The following SPART variants were observed in gnomAD, a reference collection of about 807,000 sequenced individuals.
The protein encoded by SPART is spastic paraplegia 20 (Troyer syndrome).
SPART carries 35 observed loss-of-function variants against 58.7 expected under a neutral mutation model. That is an observed-to-expected ratio of 0.60 (90% confidence interval 0.46 to 0.79). SPART has a LOEUF of 0.79. Ranked by LOEUF, SPART falls within the 30% of genes least tolerant of loss-of-function variation. The pLI is 0.00. For synonymous variants in SPART, 284 were observed against 280.7 expected, an observed-to-expected ratio of 1.01 and a Z score of -0.12; for missense variants, 730 against 786.1, an observed-to-expected ratio of 0.93 and a Z score of 0.85.
intron 1 of SPART, among the ~76,000 whole-genome samples, chr13:36,367,651 T>A (rs1266460623): frequency 6.6e-6 from 1 of 152,172 alleles, no homozygotes; most frequent in East Asian, 1.9e-4. Flanking sequence ...GAAAAAAGCC[T>A]TGTAAGCTTC....
intron 8 of SPART, among the ~76,000 whole-genome samples, chr13:36,306,090 A>G (rs1221310712): frequency 2.0e-5 from 3 of 152,190 alleles, no homozygotes; most frequent in Admixed American, 2.0e-4. Flanking sequence ...GTTAATAATT[A>G]TATTAGAGCT....
At chr13:36,342,349 A>AT (rs1370797032) in intron 1 of SPART, among the ~76,000 whole-genome samples, 1 of 152,182 alleles carries the variant, frequency 6.6e-6, no homozygotes, top group African/African-American at 2.4e-5. Context: ...TTACTTTTAC[A>AT]TTTTTTAAAG....
Position 36,335,765 on chromosome 13 carries a change from C to T in SPART, c.66G>A (p.Lys22=). 1 of 1,613,928 alleles carries T rather than the reference C, an allele frequency of 6.2e-7. No homozygotes were observed. The highest frequency in any genetic ancestry group is 1.1e-5 in the South Asian group (1 of 91,074). ...GACCTTTGTTAACAAATAAAAAGGC[C>T]TTCTTATATGCTTCTCTGATGATCT... ...EIKIIREAYK[K]AFLFVNKGLN... Residue 22 remains lysine (K), a synonymous_variant, in exon 2 of 9, where the codon AAG becomes AAA. Coordinates refer to ENST00000438666, the MANE Select transcript of SPART (RefSeq NM_015087.5).
At chr13:36,344,350 A>G (rs1884854470) in intron 1 of SPART, among the ~76,000 whole-genome samples, 1 of 152,176 alleles carries the variant, frequency 6.6e-6, no homozygotes, top group Non-Finnish European at 1.5e-5. Context: ...CAATGGAGGG[A>G]ACAAGATGGC....
chr13:36,331,373 A>C, intron 3 of SPART, 26 bp downstream of exon 3: 1 of 1,605,134 alleles, frequency 6.2e-7, no homozygotes, highest in Non-Finnish European at 8.5e-7. Context: ...GATTTTTTTC[A>C]CCCTAAAGAT....
At chr13:36,358,365 C>A (rs775501903) in intron 1 of SPART, among the ~76,000 whole-genome samples, 5 of 152,176 alleles carry the variant, frequency 3.3e-5, no homozygotes, top group Non-Finnish European at 5.9e-5. Context: ...AAACCATCAT[C>A]TCCCTGACAC....
chr13:36,348,386 T>C (rs1362106035), upstream of SPART, among the ~76,000 whole-genome samples: 1 of 152,244 alleles, frequency 6.6e-6, no homozygotes, highest in Non-Finnish European at 1.5e-5. Flanking sequence ...TTTTTTAAAT[T>C]TCCAACAGCC....
At chr13:36,348,672 T>A (rs960580149), upstream of SPART, among the ~76,000 whole-genome samples, 1 of 152,166 alleles carries the variant, frequency 6.6e-6, no homozygotes, top group Admixed American at 6.5e-5. Context: ...CTGAAGACCA[T>A]ACAACATTGC....
intron 4 of SPART, among the ~76,000 whole-genome samples, chr13:36,328,243 A>G (rs956971646): frequency 6.6e-6 from 1 of 152,366 alleles, no homozygotes; most frequent in Non-Finnish European, 1.5e-5. Flanking sequence ...ATAAATGTAG[A>G]ATATTCACGT....
At chr13:36,328,882 A>C (rs181136711) in intron 4 of SPART, among the ~76,000 whole-genome samples, 1 of 152,348 alleles carries the variant, frequency 6.6e-6, no homozygotes, top group Non-Finnish European at 1.5e-5. Context: ...TAGTGAATAT[A>C]GGAAGGCAGA....
Position 36,361,199 on chromosome 13 carries a change from T to G in SPART, c.-3+8890A>C, listed in dbSNP as rs764620115. The stretch of plus-strand genomic sequence containing the variant: ...AAAAATGCATGCCATCTGTATTACC[T>G]CAAACTTTTGGGAACAAAATACATT... On this transcript the variant is annotated intron_variant, in intron 1 of 8. Transcript: ENST00000355182. 2.6e-5 allele frequency among the ~76,000 whole-genome samples: 4 copies of G among 152,254 alleles called. No individual in the cohort carries two copies. In the South Asian group the frequency reaches 8.3e-4, roughly 32 times the overall value.
upstream of SPART, among the ~76,000 whole-genome samples, chr13:36,350,049 G>T (rs779700476): frequency 3.3e-5 from 5 of 152,140 alleles, no homozygotes; most frequent in Admixed American, 3.3e-4. Flanking sequence ...AAATAATTGC[G>T]TATATTTGGA....
chr13:36,341,711 T>C (rs1324106131), intron 1 of SPART, among the ~76,000 whole-genome samples: 1 of 152,230 alleles, frequency 6.6e-6, no homozygotes, highest in African/African-American at 2.4e-5. Flanking sequence ...CGATTAATAA[T>C]ATAACTATAC....
chr13:36,364,895 T>G (rs748756195), intron 1 of SPART, among the ~76,000 whole-genome samples: 3 of 152,170 alleles, frequency 2.0e-5, no homozygotes, highest in African/African-American at 4.8e-5. Context: ...ATCAGCCCCC[T>G]TCATCCATTC....
At chr13:36,366,852 G>A (rs182227633) in intron 1 of SPART, among the ~76,000 whole-genome samples, 240 of 152,198 alleles carry the variant, frequency 1.6e-3, no homozygotes, top group Non-Finnish European at 2.9e-3. Flanking sequence ...CATCAGAGCC[G>A]TATCATTTTG....
At chr13:36,349,571 G>A (rs1885331200), upstream of SPART, among the ~76,000 whole-genome samples, 1 of 152,164 alleles carries the variant, frequency 6.6e-6, no homozygotes, top group Non-Finnish European at 1.5e-5. Context: ...GTAAGCAAAG[G>A]ATTTGGTTTG....
At chr13:36,307,234 T>A (rs1880599518) in intron 8 of SPART, among the ~76,000 whole-genome samples, 1 of 152,020 alleles carries the variant, frequency 6.6e-6, no homozygotes, top group African/African-American at 2.4e-5. Context: ...TGAAAAATAA[T>A]AAAAAATGAA....
intron 8 of SPART, among the ~76,000 whole-genome samples, chr13:36,307,023 T>G (rs2137272092): frequency 6.6e-6 from 1 of 152,344 alleles, no homozygotes; most frequent in African/African-American, 2.4e-5. Context: ...GCCTTAGAAC[T>G]AGTTTTCCTA....
chr13:36,331,276 C>T, intron 3 of SPART, 123 bp downstream of exon 3: 3 of 876,930 alleles, frequency 3.4e-6, no homozygotes, highest in Middle Eastern at 3.3e-4. Context: ...AACACACAAA[C>T]AAATGGTGAA....
Sources: allele counts gnomAD v4.1 joint callset (sites outside exome capture counted in the v4.1 genomes callset), GRCh38; gene constraint gnomAD v4.1.1; transcripts MANE v1.5; gene names NCBI Gene and HGNC (gene_info 2026-07-23, HGNC 2026-07-21).